The following NAV2 variants were observed in gnomAD, a reference collection of about 807,000 sequenced individuals.
The protein encoded by NAV2 is neuron navigator 2.
NAV2 carries 54 observed loss-of-function variants against 223.2 expected under a neutral mutation model. The ratio of observed to expected loss-of-function variants is 0.24; its 90% CI spans 0.19 to 0.30. NAV2 has a LOEUF of 0.30. Among genes scored for constraint, NAV2 ranks in the 10% least tolerant of loss-of-function variants. The pLI is 1.00. For synonymous variants in NAV2, 1,279 were observed against 1,239.3 expected, an observed-to-expected ratio of 1.03 and a Z score of -0.67; for missense variants, 2,806 against 3,147.5, an observed-to-expected ratio of 0.89 and a Z score of 2.60.
At chr11:19,637,585 G>C (rs140301699) in intron 1 of NAV2, among the ~76,000 whole-genome samples, 1 of 152,206 alleles carries the variant, frequency 6.6e-6, no homozygotes, top group Non-Finnish European at 1.5e-5. Context: ...GTGTAGCCCC[G>C]GCATCTGCTT....
chr11:19,630,654 A>C (rs1302560149), intron 1 of NAV2, among the ~76,000 whole-genome samples: 1 of 152,198 alleles, frequency 6.6e-6, no homozygotes, highest in Admixed American at 6.5e-5. Context: ...TGGGAGGCCA[A>C]GGAAGATGGA....
chr11:19,444,964 C>T (rs1851531436), intron 1 of NAV2, among the ~76,000 whole-genome samples: 1 of 152,080 alleles, frequency 6.6e-6, no homozygotes, highest in South Asian at 2.1e-4. Flanking sequence ...AAATGTCTGG[C>T]CCAGAGTAAA....
At chr11:19,882,898 T>C (rs1417551871) in intron 5 of NAV2, among the ~76,000 whole-genome samples, 1 of 152,212 alleles carries the variant, frequency 6.6e-6, no homozygotes, top group African/African-American at 2.4e-5. Flanking sequence ...ATTCACTATA[T>C]CCTGATACTT....
rs755478581 is a variant in NAV2 at position 19,933,530 on chromosome 11, G to A, written c.1286G>A (p.Arg429Gln). Residue 429 changes from arginine to glutamine, a missense_variant, in exon 7 of 38, where the codon CGG becomes CAG. Coordinates refer to ENST00000349880, the MANE Select transcript of NAV2 (RefSeq NM_145117.5). This position sits in a 1 kb window ranked among gnomAD's most constrained non-coding sequence, Gnocchi z 4.3. ...GGGTCCCGGGACACAAGCTGTGAGC[G>A]GCTGGAGACTCTGCCCAGCTTCGAA... ...GPGSRDTSCE[R>Q]LETLPSFEES... 1.9e-5 allele frequency: 31 copies of A among 1,609,706 alleles called. No individual in the cohort carries two copies. Among genetic ancestry groups the A allele is most frequent in the East Asian group, 6.7e-5 (3 of 44,812 alleles).
chr11:19,810,535 C>T (rs756018131), intron 1 of NAV2, among the ~76,000 whole-genome samples: 14 of 152,188 alleles, frequency 9.2e-5, no homozygotes, highest in Non-Finnish European at 1.3e-4. Flanking sequence ...TTCCTTTACG[C>T]TGACATGCTA....
rs77367297 is a variant in NAV2 at position 19,608,755 on chromosome 11, C to T, written c.76-223729C>T. 5.5e-3 allele frequency among the ~76,000 whole-genome samples: 844 copies of T among 152,344 alleles called. 3 individuals carry two copies. The highest frequency in any genetic ancestry group is 0.019 in the African/African-American group (802 of 41,576). On this transcript the variant is annotated intron_variant, in intron 1 of 37. Transcript: ENST00000360655. The stretch of plus-strand genomic sequence containing the variant: ...CCCTGTTGCTACTGTAACAAATTAC[C>T]ACTAACTCTGTGGCTTGAAACAATG...
intron 36 of NAV2, 91 bp from the exon 37 acceptor site, chr11:20,114,501 G>A: frequency 1.7e-6 from 2 of 1,162,702 alleles, no homozygotes; most frequent in South Asian, 1.4e-5. Context: ...CATGATGCTG[G>A]ATTTGGGGAG....
chr11:19,761,963 C>A (rs535785444), intron 1 of NAV2, among the ~76,000 whole-genome samples: 14 of 152,360 alleles, frequency 9.2e-5, no homozygotes, highest in African/African-American at 3.1e-4. Flanking sequence ...TCAAATCTGG[C>A]TGGGTGCAGT....
intron 19 of NAV2, among the ~76,000 whole-genome samples, chr11:20,058,899 T>A (rs181000619): frequency 6.6e-6 from 1 of 152,246 alleles, no homozygotes; most frequent in Admixed American, 6.5e-5. Context: ...GCTATTGTTA[T>A]AATTGTCATA....
intron 10 of NAV2, among the ~76,000 whole-genome samples, chr11:19,975,696 A>T (rs1474545085): frequency 6.6e-6 from 1 of 152,218 alleles, no homozygotes; most frequent in Non-Finnish European, 1.5e-5. Flanking sequence ...AATTGTAGCA[A>T]TGCCATGAGC....
upstream of NAV2, among the ~76,000 whole-genome samples, chr11:19,709,392 A>G (rs1237301568): frequency 2.0e-5 from 3 of 151,408 alleles, no homozygotes; most frequent in Non-Finnish European, 2.9e-5. Flanking sequence ...AATACAAAAA[A>G]TTAGCTGGGC....
At chr11:19,883,186 C>G (rs1282111828) in intron 5 of NAV2, among the ~76,000 whole-genome samples, 2 of 152,170 alleles carry the variant, frequency 1.3e-5, no homozygotes, top group African/African-American at 2.4e-5. Context: ...TTCAGCACCC[C>G]TGGGGGGTAG....
At chr11:20,100,823 A>T in intron 31 of NAV2, 114 bp from the exon 32 acceptor site, 1 of 804,394 alleles carries the variant, frequency 1.2e-6, no homozygotes, top group Non-Finnish European at 2.0e-6. Context: ...GTCTCAGGTG[A>T]GTGGACTGCC....
intron 5 of NAV2, among the ~76,000 whole-genome samples, chr11:19,880,578 G>T (rs2063138088): frequency 6.6e-6 from 1 of 152,206 alleles, no homozygotes; most frequent in South Asian, 2.1e-4. Flanking sequence ...AAAGAAAGGT[G>T]GCAAGGGAAG....
chr11:20,107,548 C>T (rs2062247179), intron 35 of NAV2, 116 bp from the exon 36 acceptor site: 1 of 771,886 alleles, frequency 1.3e-6, no homozygotes, highest in African/African-American at 1.7e-5. Context: ...TCAGCCCTGC[C>T]ATCCCTCAGA....
chr11:19,429,365 G>A (rs1043025082), intron 1 of NAV2, among the ~76,000 whole-genome samples: 5 of 152,204 alleles, frequency 3.3e-5, no homozygotes, highest in African/African-American at 9.7e-5. Flanking sequence ...GCCTCACTGG[G>A]CTATTACGGG....
chr11:20,107,546 G>A, intron 35 of NAV2, 118 bp from the exon 36 acceptor site: 1 of 764,402 alleles, frequency 1.3e-6, no homozygotes, highest in South Asian at 1.6e-5. Context: ...CCTCAGCCCT[G>A]CCATCCCTCA....
At chr11:19,954,132 T>C (rs1460713747) in intron 10 of NAV2, among the ~76,000 whole-genome samples, 1 of 152,220 alleles carries the variant, frequency 6.6e-6, no homozygotes, top group Non-Finnish European at 1.5e-5. Flanking sequence ...GAGGCTGTGG[T>C]CTCAATTCCT....
At chr11:19,353,581 G>A (rs1052920798) in intron 1 of NAV2, among the ~76,000 whole-genome samples, 2 of 152,130 alleles carry the variant, frequency 1.3e-5, no homozygotes, top group Non-Finnish European at 2.9e-5. Context: ...TTATTATAGG[G>A]ATATTATTAA....
Sources: gnomAD v4.1 joint callset for allele counts (sites outside exome capture counted in the v4.1 genomes callset) on GRCh38, gnomAD v4.1.1 for gene constraint, Gnocchi (gnomAD v3.1) non-coding constraint, MANE v1.5 for transcripts, NCBI Gene and HGNC (gene_info 2026-07-23, HGNC 2026-07-21) for gene names.